The following PIK3AP1 variants were observed in gnomAD, a reference collection of about 807,000 sequenced individuals.
PIK3AP1 encodes phosphoinositide-3-kinase adaptor protein 1.
A neutral mutation model predicts 88.1 loss-of-function variants in PIK3AP1; 21 were observed. The observed-to-expected ratio is 0.24, with a 90% CI of 0.17 to 0.34. PIK3AP1 has a LOEUF of 0.34. Among genes scored for constraint, PIK3AP1 ranks in the 10% least tolerant of loss-of-function variants. The pLI is 1.00. For synonymous variants in PIK3AP1, 398 were observed against 400.0 expected (o/e 1.00, Z 0.06); for missense variants, 828 against 1,035.7 (o/e 0.80, Z 2.75).
chr10:96,664,015 A>T (rs138561960), intron 2 of PIK3AP1, among the ~76,000 whole-genome samples: 51 of 152,232 alleles, frequency 3.4e-4, no homozygotes, highest in African/African-American at 1.2e-3. Context: ...AAACTGCACA[A>T]TCTTTCTGGA....
At chr10:96,683,181 A>C (rs1290872409) in intron 2 of PIK3AP1, among the ~76,000 whole-genome samples, 1 of 152,234 alleles carries the variant, frequency 6.6e-6, no homozygotes, top group Non-Finnish European at 1.5e-5. Flanking sequence ...TAAATAAATA[A>C]AACAAGGTTG....
chr10:96,718,066 T>C (rs1844525874), intron 1 of PIK3AP1, among the ~76,000 whole-genome samples: 1 of 152,176 alleles, frequency 6.6e-6, no homozygotes, highest in Non-Finnish European at 1.5e-5. Flanking sequence ...AAAGACCACA[T>C]ACTATGTGAT....
chr10:96,662,607 G>A (rs1843703908), intron 2 of PIK3AP1, among the ~76,000 whole-genome samples: 1 of 151,210 alleles, frequency 6.6e-6, no homozygotes, highest in Admixed American at 6.6e-5. Flanking sequence ...CCGGCCGGGC[G>A]CGGTGGCTCA....
At chr10:96,621,156 C>A in intron 11 of PIK3AP1, 1 of 157,324 alleles carries the variant, frequency 6.4e-6, no homozygotes, top group South Asian at 1.7e-4. Flanking sequence ...GGCACACACA[C>A]CAGCACAGAG....
At chr10:96,709,337 C>T (rs1016962435) in intron 2 of PIK3AP1, among the ~76,000 whole-genome samples, 1 of 151,948 alleles carries the variant, frequency 6.6e-6, no homozygotes, top group Non-Finnish European at 1.5e-5. Context: ...AGAAAGAAGG[C>T]CTTTGCCCTA....
At chr10:96,684,191 T>C (rs1324872901) in intron 2 of PIK3AP1, among the ~76,000 whole-genome samples, 6 of 152,248 alleles carry the variant, frequency 3.9e-5, no homozygotes, top group Non-Finnish European at 7.3e-5. Flanking sequence ...TTCTCAGCCA[T>C]TCTTTTCTAT....
chr10:96,652,807 C>T lies in PIK3AP1; in HGVS notation c.603G>A (p.Lys201=), dbSNP rs1287442569. The T allele has an allele frequency of 6.2e-7, 1 of 1,614,054 alleles. No homozygotes were observed. Among genetic ancestry groups the T allele is most frequent in the South Asian group, 1.1e-5 (1 of 91,078 alleles). Residue 201 remains lysine (K), a synonymous_variant, in exon 4 of 17, where the codon AAG becomes AAA. Transcript: ENST00000339364. ...ETTVYVIVRC[K]LDDRVATEAE... is the part of the protein sequence containing the mutation. Reference sequence around the variant, plus strand: ...CTTCTGTCGCCACCCTGTCATCCAGCTTACATCTCACAATAACATAGACAG... The same window carrying T: ...CTTCTGTCGCCACCCTGTCATCCAGTTTACATCTCACAATAACATAGACAG...
At chr10:96,708,062 T>A (rs1844387657) in intron 2 of PIK3AP1, among the ~76,000 whole-genome samples, 1 of 152,194 alleles carries the variant, frequency 6.6e-6, no homozygotes, top group Non-Finnish European at 1.5e-5. Context: ...TTAAGGCCAC[T>A]GAAAATTAGT....
chr10:96,607,939 G>C (rs1673958003), intron 14 of PIK3AP1, among the ~76,000 whole-genome samples: 1 of 152,204 alleles, frequency 6.6e-6, no homozygotes, highest in African/African-American at 2.4e-5. Context: ...AGAGATAACA[G>C]AAACTGTATA....
intron 11 of PIK3AP1, among the ~76,000 whole-genome samples, chr10:96,623,234 T>G (rs1041532419): frequency 2.0e-5 from 3 of 152,060 alleles, no homozygotes; most frequent in Non-Finnish European, 4.4e-5. Flanking sequence ...ATTAATTAAT[T>G]TATTTAATTT....
At chr10:96,639,492 G>A (rs1374288031) in intron 8 of PIK3AP1, among the ~76,000 whole-genome samples, 2 of 152,178 alleles carry the variant, frequency 1.3e-5, no homozygotes, top group African/African-American at 2.4e-5. Flanking sequence ...GGGGAGCAAG[G>A]TTGCTGCTGT....
Position 96,645,509 on chromosome 10 carries a change from T to C in PIK3AP1, c.1339A>G (p.Met447Val), listed in dbSNP as rs199952187. 143 of 1,613,968 alleles carry C rather than the reference T, an allele frequency of 8.9e-5. No individual in the cohort carries two copies. Among genetic ancestry groups the C allele is most frequent in the Non-Finnish European group, 1.2e-4 (140 of 1,180,004 alleles). The change falls in exon 8 of 17, where the codon ATG becomes GTG. Residue 447 changes from methionine (M) to valine (V), a missense_variant. Coordinates refer to ENST00000339364, the MANE Select transcript of PIK3AP1 (RefSeq NM_152309.3). Reference sequence around the variant, plus strand: ...GTGGCAGCTGGGACAAAGGCAGCCATGGACTCATAGAGATCCTCGTCACAG... The same window carrying C: ...GTGGCAGCTGGGACAAAGGCAGCCACGGACTCATAGAGATCCTCGTCACAG... ...PGCDEDLYESMAAFVPAATED... is the reference protein window; with the variant it reads ...PGCDEDLYESVAAFVPAATED...
intron 8 of PIK3AP1, chr10:96,632,926 CAA>C: frequency 1.9e-6 from 3 of 1,612,758 alleles, no homozygotes; most frequent in Non-Finnish European, 2.5e-6. Flanking sequence ...AGTCCACTCA[CAA>C]AGATAAAGGA....
chr10:96,693,138 T>G (rs780808140), intron 2 of PIK3AP1, among the ~76,000 whole-genome samples: 1 of 152,200 alleles, frequency 6.6e-6, no homozygotes, highest in African/African-American at 2.4e-5. Flanking sequence ...TTACAACAAG[T>G]TCACTTCCTT....
intron 2 of PIK3AP1, among the ~76,000 whole-genome samples, chr10:96,669,988 A>T (rs1326831374): frequency 6.6e-6 from 1 of 152,052 alleles, no homozygotes; most frequent in Non-Finnish European, 1.5e-5. Flanking sequence ...CAGCCTGGCC[A>T]ATATGGTAAA....
At chr10:96,635,097 A>AT (rs1843295785) in intron 8 of PIK3AP1, among the ~76,000 whole-genome samples, 1 of 152,182 alleles carries the variant, frequency 6.6e-6, no homozygotes, top group Admixed American at 6.5e-5. Context: ...GATTTTCTCC[A>AT]TATCTTGAAG....
rs1227596102 is a variant in PIK3AP1 at position 96,720,352 on chromosome 10, C to A, written c.13+30G>T. The A allele has an allele frequency of 1.4e-5, 18 of 1,242,550 alleles. No homozygotes were observed. The highest frequency in any genetic ancestry group is 1.7e-5 in the Non-Finnish European group (17 of 987,826). 77.0% of individuals were successfully genotyped at this position (1,242,550 alleles called of 1,614,324 possible). A position where few individuals can be genotyped will look rare whatever the true frequency, so the allele number is the denominator to read the frequency against. On this transcript the variant is annotated intron_variant, in intron 1 of 16. Transcript: ENST00000339364. The surrounding 1 kb of genome is among the most constrained non-coding windows in gnomAD (Gnocchi z 4.6). ...CGGGGTACGAGAGAGGGGCCGGGAG[C>A]CCGGGGACCCGCGGCGCCTGCCTAC... is the stretch of plus-strand genomic sequence containing the variant.
chr10:96,596,390 GT>G (rs1367176711), intron 16 of PIK3AP1, among the ~76,000 whole-genome samples: 1 of 152,184 alleles, frequency 6.6e-6, no homozygotes, highest in Non-Finnish European at 1.5e-5. Flanking sequence ...CCCCCTATGG[GT>G]TGATGTACCC....
intron 2 of PIK3AP1, among the ~76,000 whole-genome samples, chr10:96,666,814 A>T (rs774935177): frequency 5.9e-5 from 9 of 151,976 alleles, no homozygotes; most frequent in Non-Finnish European, 8.8e-5. Context: ...GCCCAGAAGG[A>T]ATGAAATTAC....
Sources: allele counts gnomAD v4.1 joint callset (sites outside exome capture counted in the v4.1 genomes callset), GRCh38; gene constraint gnomAD v4.1.1; non-coding constraint Gnocchi (gnomAD v3.1); transcripts MANE v1.5; gene names NCBI Gene and HGNC (gene_info 2026-07-23, HGNC 2026-07-21).